Variants in LRMDA observed in about 807,000 individuals in gnomAD.
LRMDA encodes the protein leucine-rich melanocyte differentiation-associated protein.
LRMDA carries 18 observed loss-of-function variants against 29.8 expected under a neutral mutation model. That is an observed-to-expected ratio of 0.60 (90% CI 0.42 to 0.90). LRMDA has a LOEUF of 0.90. LRMDA is among the 40% of genes least tolerant of loss of function. The pLI is 0.00. For synonymous variants in LRMDA, 125 were observed against 109.4 expected (o/e 1.14, Z -0.89); for missense variants, 273 against 273.9 (o/e 1.00, Z 0.02).
chr10:76,379,474 G>A (rs10762719), intron 6 of LRMDA, among the ~76,000 whole-genome samples: 16,724 of 151,698 alleles, frequency 0.11, 1,551 homozygotes, highest in African/African-American at 0.25. Flanking sequence ...TATATTTATC[G>A]ATTTCCTATA....
chr10:75,861,308 T>C (rs1844925567), intron 2 of LRMDA, among the ~76,000 whole-genome samples: 1 of 152,202 alleles, frequency 6.6e-6, no homozygotes, highest in African/African-American at 2.4e-5. Context: ...GCGTGATTTA[T>C]CCATTTATAG....
At chr10:76,247,536 A>G (rs1852398206) in intron 5 of LRMDA, among the ~76,000 whole-genome samples, 1 of 152,210 alleles carries the variant, frequency 6.6e-6, no homozygotes, top group South Asian at 2.1e-4. Flanking sequence ...TACTCTGGCT[A>G]GAAAAGTACT....
At chr10:76,394,626 A>G (rs879867099) in intron 6 of LRMDA, among the ~76,000 whole-genome samples, 3 of 152,132 alleles carry the variant, frequency 2.0e-5, no homozygotes, top group Non-Finnish European at 2.9e-5. Flanking sequence ...AGTTGATTCC[A>G]TGAAAATACT....
chr10:76,484,537 A>G (rs1040813986), intron 6 of LRMDA, among the ~76,000 whole-genome samples: 27 of 151,798 alleles, frequency 1.8e-4, no homozygotes, highest in African/African-American at 6.5e-4. Context: ...TGTTAGATTT[A>G]TACTTCAATA....
At chr10:76,143,949 A>C (rs1339881660) in intron 5 of LRMDA, among the ~76,000 whole-genome samples, 2 of 152,304 alleles carry the variant, frequency 1.3e-5, no homozygotes, top group Non-Finnish European at 2.9e-5. Context: ...TAAATAGGGA[A>C]TCCTTTCCCC....
chr10:76,323,491 T>A (rs1320837077), intron 5 of LRMDA, among the ~76,000 whole-genome samples: 1 of 152,070 alleles, frequency 6.6e-6, no homozygotes, highest in Non-Finnish European at 1.5e-5. Context: ...ATGTTCTTTT[T>A]GGGATATTAA....
intron 2 of LRMDA, among the ~76,000 whole-genome samples, chr10:75,956,715 A>T (rs1452186272): frequency 6.6e-6 from 1 of 152,224 alleles, no homozygotes; most frequent in Non-Finnish European, 1.5e-5. Context: ...GCTTACCAGC[A>T]CAGCATTTGT....
At chr10:76,538,951 G>A (rs550400843) in intron 6 of LRMDA, among the ~76,000 whole-genome samples, 2 of 152,114 alleles carry the variant, frequency 1.3e-5, no homozygotes, top group African/African-American at 2.4e-5. Context: ...TCTTTTTAGA[G>A]GTGGGAGTGA....
intron 3 of LRMDA, among the ~76,000 whole-genome samples, chr10:76,040,006 G>A (rs557056936): frequency 9.2e-5 from 14 of 152,276 alleles, no homozygotes; most frequent in African/African-American, 2.6e-4. Context: ...ATGGCATTCC[G>A]TGAGTTGGGT....
chr10:76,484,246 A>C (rs1389343704), intron 6 of LRMDA, among the ~76,000 whole-genome samples: 1 of 148,294 alleles, frequency 6.7e-6, no homozygotes, highest in Non-Finnish European at 1.5e-5. Context: ...TTCTCCTTCT[A>C]CTTGTCATTC....
intron 2 of LRMDA, among the ~76,000 whole-genome samples, chr10:75,881,723 A>G (rs1438522520): frequency 6.6e-6 from 1 of 152,214 alleles, no homozygotes. Flanking sequence ...TGGACCCCCA[A>G]AAGATTCTGT....
At chr10:76,549,218 C>G (rs1907304) in intron 6 of LRMDA, among the ~76,000 whole-genome samples, 109,912 of 152,002 alleles carry the variant, frequency 0.72, 40,369 homozygotes, top group Non-Finnish European at 0.8. Context: ...CACTCTGTGA[C>G]TACCTGTGTA....
chr10:76,482,786 T>G (rs1426577666), intron 6 of LRMDA, among the ~76,000 whole-genome samples: 4 of 151,992 alleles, frequency 2.6e-5, no homozygotes, highest in Non-Finnish European at 4.4e-5. Flanking sequence ...TTGTACCAGC[T>G]CACATTATTC....
At chr10:75,830,439 A>C (rs1844320523) in intron 2 of LRMDA, among the ~76,000 whole-genome samples, 1 of 152,202 alleles carries the variant, frequency 6.6e-6, no homozygotes, top group African/African-American at 2.4e-5. Context: ...GTACAAAAGA[A>C]ATAGGTTTAA....
At chr10:75,851,636 G>A (rs1046672920) in intron 2 of LRMDA, among the ~76,000 whole-genome samples, 8 of 152,194 alleles carry the variant, frequency 5.3e-5, no homozygotes, top group African/African-American at 1.7e-4. Context: ...AGATGATAGT[G>A]ACCCATTGAA....
rs1589164701 is a variant in LRMDA at position 75,510,405 on chromosome 10, C to T, written c.131+71911C>T. The stretch of plus-strand genomic sequence containing the variant: ...AGAAAAGCATAGATGCTGTTGGGTC[C>T]CTGGGAAGAGGACTTGTATGTTACA... On this transcript the variant is annotated intron_variant, in intron 2 of 6. Transcript: ENST00000611255. Among the ~76,000 whole-genome samples, 5 of 152,208 alleles carry T rather than the reference C, an allele frequency of 3.3e-5. No homozygotes were observed. The South Asian group carries it at 1.0e-3, about 32-fold the overall frequency.
chr10:75,457,199 C>T (rs1214541373), intron 2 of LRMDA, among the ~76,000 whole-genome samples: 5 of 152,220 alleles, frequency 3.3e-5, no homozygotes, highest in African/African-American at 1.2e-4. Context: ...GATCTAAATG[C>T]AGCTTTGCCT....
intron 6 of LRMDA, among the ~76,000 whole-genome samples, chr10:76,465,868 G>T (rs1372110039): frequency 6.6e-6 from 1 of 151,998 alleles, no homozygotes; most frequent in African/African-American, 2.4e-5. Flanking sequence ...TCTTCACATG[G>T]TCTTCCCTCT....
At chr10:76,004,582 T>C (rs1847615981) in intron 2 of LRMDA, among the ~76,000 whole-genome samples, 1 of 152,208 alleles carries the variant, frequency 6.6e-6, no homozygotes, top group African/African-American at 2.4e-5. Context: ...CCAGGTCTAC[T>C]TTATCAGAAG....
Sources: gnomAD v4.1 joint callset for allele counts (sites outside exome capture counted in the v4.1 genomes callset) on GRCh38, gnomAD v4.1.1 for gene constraint, MANE v1.5 for transcripts, NCBI Gene and HGNC (gene_info 2026-07-23, HGNC 2026-07-21) for gene names.